Variants in SLC30A8 observed in about 807,000 individuals in gnomAD.
SLC30A8 encodes the protein solute carrier family 30 member 8.
SLC30A8 carries 27 observed loss-of-function variants against 36.9 expected under a neutral mutation model. The ratio of observed to expected loss-of-function variants is 0.73; its 90% CI spans 0.54 to 1.01. The LOEUF (loss-of-function observed/expected upper bound fraction) is 1.01, where lower values mean the gene tolerates loss of function less well. Among genes scored for constraint, SLC30A8 ranks in the 50% least tolerant of loss-of-function variants. The pLI is 0.00. For missense variants in SLC30A8, 439 were observed against 452.0 expected (o/e 0.97, Z 0.26); for synonymous variants, 164 against 172.4 (o/e 0.95, Z 0.38).
At chr8:117,002,587 G>T (rs1816046860) in intron 1 of SLC30A8, among the ~76,000 whole-genome samples, 4 of 151,922 alleles carry the variant, frequency 2.6e-5, no homozygotes, top group Admixed American at 6.6e-5. Context: ...TTGAAAGATG[G>T]TTTTTTTGTT....
At chr8:117,036,309 T>C (rs961669242) in intron 1 of SLC30A8, among the ~76,000 whole-genome samples, 2 of 152,174 alleles carry the variant, frequency 1.3e-5, no homozygotes, top group African/African-American at 4.8e-5. Context: ...TTCCAAACTT[T>C]CCCATATCTT....
chr8:117,016,914 T>C (rs1200535388), intron 1 of SLC30A8, among the ~76,000 whole-genome samples: 2 of 152,118 alleles, frequency 1.3e-5, no homozygotes, highest in African/African-American at 4.8e-5. Flanking sequence ...CGTTATGTTA[T>C]ATTCATCTAG....
At chr8:117,101,628 A>T (rs1819727583) in intron 2 of SLC30A8, among the ~76,000 whole-genome samples, 1 of 152,046 alleles carries the variant, frequency 6.6e-6, no homozygotes, top group South Asian at 2.1e-4. Flanking sequence ...GCCAAAGGAG[A>T]TTAACATTTG....
chr8:116,988,313 C>T (rs539034516), intron 1 of SLC30A8, among the ~76,000 whole-genome samples: 11 of 152,206 alleles, frequency 7.2e-5, no homozygotes, highest in Non-Finnish European at 1.6e-4. Flanking sequence ...ATATTGCGTA[C>T]TGCATAGTCA....
chr8:117,071,100 T>A (rs1057410364), intron 2 of SLC30A8, among the ~76,000 whole-genome samples: 1 of 152,200 alleles, frequency 6.6e-6, no homozygotes, highest in African/African-American at 2.4e-5. Context: ...GTTCTATTTT[T>A]AATTATTTGA....
chr8:117,097,924 AT>A (rs1283795352), intron 2 of SLC30A8, among the ~76,000 whole-genome samples: 2 of 95,874 alleles, frequency 2.1e-5, no homozygotes, highest in South Asian at 6.4e-4. Flanking sequence ...TTAAATAAAT[AT>A]ATATATTATA....
intron 1 of SLC30A8, among the ~76,000 whole-genome samples, chr8:116,974,116 G>C (rs1013404936): frequency 6.6e-6 from 1 of 152,078 alleles, no homozygotes; most frequent in Non-Finnish European, 1.5e-5. Context: ...TACCATTCAG[G>C]ACATAGGCCT....
chr8:117,054,507 C>T (rs1817807602), intron 2 of SLC30A8, among the ~76,000 whole-genome samples: 1 of 152,014 alleles, frequency 6.6e-6, no homozygotes, highest in South Asian at 2.1e-4. Flanking sequence ...TAATGGTATC[C>T]AGTTTGTCAC....
intron 1 of SLC30A8, among the ~76,000 whole-genome samples, chr8:116,998,254 A>G (rs888237700): frequency 3.9e-5 from 6 of 152,234 alleles, no homozygotes; most frequent in African/African-American, 1.2e-4. Context: ...GAACAGAAAC[A>G]TGAACAGGTG....
At chr8:117,117,712 A>G (rs1820507626) in intron 2 of SLC30A8, among the ~76,000 whole-genome samples, 1 of 151,966 alleles carries the variant, frequency 6.6e-6, no homozygotes, top group Non-Finnish European at 1.5e-5. Flanking sequence ...AGCTCTAGGG[A>G]TGAAGGCCTG....
chr8:117,091,837 T>C (rs896577816), intron 2 of SLC30A8, among the ~76,000 whole-genome samples: 1 of 152,188 alleles, frequency 6.6e-6, no homozygotes, highest in Admixed American at 6.5e-5. Context: ...ACCTAGACTT[T>C]GATGTCAGTT....
At chr8:116,977,546 C>T (rs1422079231) in intron 1 of SLC30A8, among the ~76,000 whole-genome samples, 1 of 138,254 alleles carries the variant, frequency 7.2e-6, no homozygotes, top group African/African-American at 2.8e-5. Context: ...GAGTCTGGCT[C>T]TGTCGCCCAG....
intron 6 of SLC30A8, 100 bp from the exon 7 acceptor site, chr8:117,170,934 C>A: frequency 2.0e-6 from 2 of 977,796 alleles, no homozygotes; most frequent in Non-Finnish European, 3.0e-6. Context: ...AAGGGATGAA[C>A]ACATTGAAAT....
chr8:117,065,347 T>G (rs1818136392), intron 2 of SLC30A8, among the ~76,000 whole-genome samples: 1 of 152,162 alleles, frequency 6.6e-6, no homozygotes, highest in African/African-American at 2.4e-5. Flanking sequence ...ACATAATAAA[T>G]TCCTTATTTA....
At position 117,097,887 on chromosome 8, in the gene SLC30A8, A is replaced by AAT. The variant is rs545489207; in HGVS notation, c.-225-37386_-225-37385dup. Among the ~76,000 whole-genome samples the AAT allele has an allele frequency of 1.3e-3, 99 of 78,858 alleles. 3 individuals are homozygous for AAT. Among genetic ancestry groups the AAT allele is most frequent in the African/African-American group, 4.8e-3 (89 of 18,624 alleles). The allele number at this position is 78,858 out of a possible 152,430, so 51.7% of individuals were successfully genotyped here. On this transcript the variant is annotated intron_variant, in intron 2 of 10. Coordinates refer to the SLC30A8 transcript ENST00000427715. ...TATATATAATATATAATTTTAAATA[A>AAT]ATATATATTATATATAATATATAAT...
intron 2 of SLC30A8, among the ~76,000 whole-genome samples, chr8:117,094,394 T>G (rs1819268423): frequency 1.3e-5 from 2 of 152,264 alleles, no homozygotes; most frequent in Middle Eastern, 3.4e-3. Flanking sequence ...AGCTCTTCTC[T>G]GCAAGCAGGG....
In SLC30A8 at chr8:117,073,903, C is replaced by CT. The variant is rs551584167; in HGVS notation, c.-226+34646dup. ...AATTCATAGGGTTGATACGTGGGAC[C>CT]TGACAGTCTACTCATTCTGTTCTTT... On this transcript the variant is annotated intron_variant, in intron 2 of 10. Coordinates refer to the SLC30A8 transcript ENST00000427715. Among the ~76,000 whole-genome samples, 25 of 151,974 alleles carry CT rather than the reference C, an allele frequency of 1.6e-4. No homozygotes were observed. The South Asian group carries it at 2.5e-3, about 15-fold the overall frequency.
At chr8:117,084,639 A>G (rs1818801203) in intron 2 of SLC30A8, among the ~76,000 whole-genome samples, 1 of 152,014 alleles carries the variant, frequency 6.6e-6, no homozygotes, top group Admixed American at 6.6e-5. Flanking sequence ...CTAATGTTTA[A>G]TAAACCCCCG....
At chr8:117,034,081 A>C (rs916144930) in intron 1 of SLC30A8, among the ~76,000 whole-genome samples, 1 of 152,212 alleles carries the variant, frequency 6.6e-6, no homozygotes, top group Non-Finnish European at 1.5e-5. Context: ...GTTTCCTCCT[A>C]GAAATAAAAA....
Sources: allele counts gnomAD v4.1 joint callset (sites outside exome capture counted in the v4.1 genomes callset), GRCh38; gene constraint gnomAD v4.1.1; transcripts MANE v1.5; gene names NCBI Gene and HGNC (gene_info 2026-07-23, HGNC 2026-07-21).